Variants in SSBP2 observed in about 807,000 individuals in gnomAD.
The protein encoded by SSBP2 is single stranded DNA binding protein 2.
In SSBP2, 17 loss-of-function variants were observed where a neutral mutation model predicts 61.8. The observed-to-expected ratio is 0.28, with a 90% CI of 0.19 to 0.41. SSBP2 has a LOEUF of 0.41. SSBP2 is among the 10% of genes least tolerant of loss of function. The pLI is 1.00. For missense variants in SSBP2, 310 were observed against 458.7 expected, an observed-to-expected ratio of 0.68 and a Z score of 2.96; for synonymous variants, 139 against 141.3, an observed-to-expected ratio of 0.98 and a Z score of 0.12.
chr5:81,607,930 A>G (rs917912347), intron 4 of SSBP2, among the ~76,000 whole-genome samples: 4 of 152,330 alleles, frequency 2.6e-5, no homozygotes, highest in South Asian at 2.1e-4. Flanking sequence ...GTTACAGAAC[A>G]TAACAGTTAT....
At chr5:81,571,388 A>G (rs1164845859) in intron 4 of SSBP2, among the ~76,000 whole-genome samples, 1 of 152,174 alleles carries the variant, frequency 6.6e-6, no homozygotes, top group Non-Finnish European at 1.5e-5. Context: ...TTCTAATAGC[A>G]TCTAAGCTAG....
At chr5:81,608,256 A>G (rs974720317) in intron 4 of SSBP2, among the ~76,000 whole-genome samples, 3 of 152,088 alleles carry the variant, frequency 2.0e-5, no homozygotes, top group Admixed American at 6.5e-5. Flanking sequence ...CTCAATACTT[A>G]CAACTAGACA....
At chr5:81,637,663 C>A (rs433118) in intron 2 of SSBP2, among the ~76,000 whole-genome samples, 2 of 151,998 alleles carry the variant, frequency 1.3e-5, no homozygotes, top group East Asian at 3.9e-4. Context: ...TAATAGTCAC[C>A]TATATCACAA....
intron 4 of SSBP2, among the ~76,000 whole-genome samples, chr5:81,532,001 A>T (rs1244207482): frequency 6.6e-6 from 1 of 152,080 alleles, no homozygotes; most frequent in African/African-American, 2.4e-5. Context: ...ATATGAAGTT[A>T]TCAGCTGTTA....
chr5:81,626,550 A>G, intron 3 of SSBP2, among the ~76,000 whole-genome samples: 1 of 152,352 alleles, frequency 6.6e-6, no homozygotes, highest in East Asian at 1.9e-4. Context: ...AGGTTTCTAC[A>G]GTTCCAGCAG....
intron 4 of SSBP2, among the ~76,000 whole-genome samples, chr5:81,588,844 T>TC (rs1240150463): frequency 6.6e-6 from 1 of 152,148 alleles, no homozygotes; most frequent in Non-Finnish European, 1.5e-5. Context: ...CAGGTGGAAC[T>TC]CCTGAGCCCA....
chr5:81,443,958 G>C (rs573858394), intron 12 of SSBP2, among the ~76,000 whole-genome samples: 31 of 152,304 alleles, frequency 2.0e-4, no homozygotes, highest in African/African-American at 6.3e-4. Flanking sequence ...AGTAACCATA[G>C]AGTGGCAATT....
chr5:81,501,042 C>T lies in SSBP2; in HGVS notation c.373-11733G>A, dbSNP rs1029333408. Among the ~76,000 whole-genome samples the T allele has an allele frequency of 2.0e-5, 3 of 148,746 alleles. No individual in the cohort carries two copies. In the Admixed American group the frequency reaches 2.0e-4, roughly 10 times the overall value. On this transcript the variant is annotated intron_variant, in intron 5 of 16. Coordinates refer to ENST00000320672, the MANE Select transcript of SSBP2 (RefSeq NM_012446.5). Reference sequence around the variant, plus strand: ...CAGCCTGGCCAACATGGTGAAACCCCGTCTCTAGTAAAAATACAAAAATTA... The same window carrying T: ...CAGCCTGGCCAACATGGTGAAACCCTGTCTCTAGTAAAAATACAAAAATTA...
At chr5:81,635,782 C>T (rs1336138083) in intron 3 of SSBP2, among the ~76,000 whole-genome samples, 1 of 152,078 alleles carries the variant, frequency 6.6e-6, no homozygotes, top group African/African-American at 2.4e-5. Context: ...GACGGGGTTT[C>T]GCTGTGTTAG....
At chr5:81,557,974 C>T (rs1236261433) in intron 4 of SSBP2, among the ~76,000 whole-genome samples, 2 of 152,030 alleles carry the variant, frequency 1.3e-5, no homozygotes, top group Non-Finnish European at 2.9e-5. Context: ...TGGGACACAG[C>T]CAAATTACTT....
chr5:81,505,545 G>A (rs1456577581), intron 5 of SSBP2, among the ~76,000 whole-genome samples: 3 of 151,992 alleles, frequency 2.0e-5, no homozygotes, highest in African/African-American at 7.3e-5. Flanking sequence ...AAATTAAATT[G>A]TGTTATAAAT....
chr5:81,680,808 C>A (rs896708931), intron 1 of SSBP2, among the ~76,000 whole-genome samples: 1 of 152,172 alleles, frequency 6.6e-6, no homozygotes, highest in Non-Finnish European at 1.5e-5. Context: ...GATGAACCTA[C>A]TATTGTATTA....
chr5:81,423,712 T>C (rs1251190571), intron 16 of SSBP2, among the ~76,000 whole-genome samples: 1 of 151,914 alleles, frequency 6.6e-6, no homozygotes, highest in East Asian at 1.9e-4. Context: ...GCCACTGCAC[T>C]CTAGCCTGGG....
chr5:81,481,298 A>C (rs980988526), intron 6 of SSBP2, among the ~76,000 whole-genome samples: 2 of 152,298 alleles, frequency 1.3e-5, no homozygotes, highest in South Asian at 4.2e-4. Flanking sequence ...TACAGATGGC[A>C]GCTACAGCTT....
intron 1 of SSBP2, among the ~76,000 whole-genome samples, chr5:81,659,127 A>G (rs1379865546): frequency 1.3e-5 from 2 of 152,184 alleles, no homozygotes; most frequent in African/African-American, 4.8e-5. Context: ...GCCCTCTCTC[A>G]CCACTCCTAT....
chr5:81,641,922 C>T (rs146863065), intron 2 of SSBP2, among the ~76,000 whole-genome samples: 22 of 150,834 alleles, frequency 1.5e-4, no homozygotes, highest in African/African-American at 5.1e-4. Context: ...AACCTTTCTG[C>T]TTGGAAAAAA....
intron 11 of SSBP2, among the ~76,000 whole-genome samples, chr5:81,447,681 G>A (rs562637980): frequency 5.9e-5 from 9 of 152,080 alleles, no homozygotes; most frequent in African/African-American, 9.6e-5. Flanking sequence ...AGACGAGATC[G>A]GGCACATTCA....
intron 1 of SSBP2, among the ~76,000 whole-genome samples, chr5:81,731,253 T>C (rs1352627455): frequency 6.6e-6 from 1 of 152,198 alleles, no homozygotes; most frequent in African/African-American, 2.4e-5. Context: ...GTCATTCAAA[T>C]ATGTTAACAG....
chr5:81,699,850 ATTTCTT>A (rs1428626897), intron 1 of SSBP2, among the ~76,000 whole-genome samples: 4 of 139,654 alleles, frequency 2.9e-5, no homozygotes, highest in African/African-American at 1.1e-4. Flanking sequence ...TACAAAATCA[ATTTCTT>A]TTTTTTTTTT....
Sources: gnomAD v4.1 joint callset for allele counts (sites outside exome capture counted in the v4.1 genomes callset) on GRCh38, gnomAD v4.1.1 for gene constraint, MANE v1.5 for transcripts, NCBI Gene and HGNC (gene_info 2026-07-23, HGNC 2026-07-21) for gene names.